The following PALM2AKAP2 variants were observed in gnomAD, a reference collection of about 807,000 sequenced individuals.
PALM2AKAP2 encodes PALM2-AKAP2 fusion protein.
PALM2AKAP2 carries 37 observed loss-of-function variants against 71.5 expected under a neutral mutation model. That is an observed-to-expected ratio of 0.52 (90% CI 0.40 to 0.68). PALM2AKAP2 has a LOEUF of 0.68. PALM2AKAP2 is among the 30% of genes least tolerant of loss of function. PALM2AKAP2 has a pLI of 0.00. For synonymous variants in PALM2AKAP2, 468 were observed against 478.8 expected, an observed-to-expected ratio of 0.98 and a Z score of 0.29; for missense variants, 1,224 against 1,191.8, an observed-to-expected ratio of 1.03 and a Z score of -0.40.
intron 1 of PALM2AKAP2, among the ~76,000 whole-genome samples, chr9:109,827,035 G>A (rs546742224): frequency 6.6e-6 from 1 of 152,312 alleles, no homozygotes; most frequent in African/African-American, 2.4e-5. Context: ...AATCTACTAA[G>A]TGAGTTATTA....
chr9:110,087,667 C>T (rs940929417), intron 1 of PALM2AKAP2, among the ~76,000 whole-genome samples: 1 of 152,220 alleles, frequency 6.6e-6, no homozygotes, highest in Non-Finnish European at 1.5e-5. Context: ...TTTCTCTTTT[C>T]CCATTTCATC....
intron 3 of PALM2AKAP2, among the ~76,000 whole-genome samples, chr9:109,887,474 A>G (rs1452553620): frequency 6.6e-6 from 1 of 152,228 alleles, no homozygotes; most frequent in East Asian, 1.9e-4. Context: ...AAAACTATAT[A>G]TGCTATGTAT....
intron 1 of PALM2AKAP2, among the ~76,000 whole-genome samples, chr9:109,654,269 T>A (rs992852572): frequency 3.9e-5 from 6 of 152,244 alleles, no homozygotes; most frequent in African/African-American, 1.4e-4. Context: ...TATTCCATTT[T>A]CTGAACAAGA....
At chr9:109,841,031 G>T (rs1217152032) in intron 1 of PALM2AKAP2, among the ~76,000 whole-genome samples, 1 of 152,148 alleles carries the variant, frequency 6.6e-6, no homozygotes, top group East Asian at 1.9e-4. Flanking sequence ...ATACCCAAAG[G>T]ATTATAAATT....
intron 1 of PALM2AKAP2, among the ~76,000 whole-genome samples, chr9:110,055,914 T>A (rs1004370076): frequency 1.3e-5 from 2 of 152,162 alleles, no homozygotes; most frequent in African/African-American, 4.8e-5. Context: ...GAGAGAGGAT[T>A]CCTCAGGTGG....
chr9:110,027,213 G>A (rs1425813288), intron 7 of PALM2AKAP2, among the ~76,000 whole-genome samples: 3 of 152,162 alleles, frequency 2.0e-5, no homozygotes, highest in South Asian at 2.1e-4. Context: ...GCCTTATCCA[G>A]CTGGTGCCTT....
At chr9:110,034,809 T>G (rs956119390) in intron 7 of PALM2AKAP2, among the ~76,000 whole-genome samples, 3 of 151,768 alleles carry the variant, frequency 2.0e-5, no homozygotes, top group African/African-American at 7.3e-5. Flanking sequence ...TTCACCATGT[T>G]GGCCAGTCTG....
At chr9:110,127,600 C>G (rs1190417885) in intron 1 of PALM2AKAP2, 3 of 152,274 alleles carry the variant, frequency 2.0e-5, no homozygotes, top group African/African-American at 7.2e-5. Flanking sequence ...AAGTCTAACC[C>G]TCGCAGCAAG....
intron 1 of PALM2AKAP2, among the ~76,000 whole-genome samples, chr9:109,856,441 C>T (rs1829167333): frequency 6.6e-6 from 1 of 152,182 alleles, no homozygotes; most frequent in African/African-American, 2.4e-5. Flanking sequence ...AGAAAGTAAG[C>T]TGAAGGGCAG....
intron 3 of PALM2AKAP2, among the ~76,000 whole-genome samples, chr9:109,912,721 T>C (rs201547697): frequency 2.2e-5 from 3 of 136,068 alleles, no homozygotes; most frequent in East Asian, 4.7e-4. Flanking sequence ...GATAGATAGA[T>C]AGACAGACAG....
rs542843602 is a variant in PALM2AKAP2, at chr9:109,954,104, T to C, written c.496+22076T>C. On this transcript the variant is annotated intron_variant, in intron 6 of 9. Coordinates refer to the PALM2AKAP2 transcript ENST00000302798. Reference sequence around the variant, plus strand: ...TATCTGTTCATCAGGAGTCCTGTTGTTCTATTTGACAGTTTTTCCTTCACC... The same window carrying C: ...TATCTGTTCATCAGGAGTCCTGTTGCTCTATTTGACAGTTTTTCCTTCACC... Among the ~76,000 whole-genome samples the C allele has an allele frequency of 2.0e-5, 3 of 152,268 alleles. No homozygotes were observed. The South Asian group carries it at 6.2e-4, about 32-fold the overall frequency.
chr9:110,002,050 T>C lies in PALM2AKAP2; in HGVS notation c.497-13904T>C, dbSNP rs1228343909. Among the ~76,000 whole-genome samples, 3 of 152,206 alleles carry C rather than the reference T, an allele frequency of 2.0e-5. No individual in the cohort carries two copies. In the East Asian group the frequency reaches 5.8e-4, roughly 29 times the overall value. ...GCCCTGGCCAGAACTTCCAACACTA[T>C]GTTGAATGGGAGTGATGAGAGAGGG... On this transcript the variant is annotated intron_variant, in intron 6 of 9. Coordinates refer to the PALM2AKAP2 transcript ENST00000302798.
intron 1 of PALM2AKAP2, among the ~76,000 whole-genome samples, chr9:110,093,146 G>C (rs495004): frequency 0.17 from 26,425 of 152,208 alleles, 3,058 homozygotes; most frequent in East Asian, 0.38. Context: ...AGGCCATGTA[G>C]CCAGTTGTTG....
rs117333937 is a variant in PALM2AKAP2, at chr9:110,115,900, C to T, written c.157-20227C>T. 1.5e-3 allele frequency among the ~76,000 whole-genome samples: 234 copies of T among 152,218 alleles called. 1 individual carries two copies. Among genetic ancestry groups the T allele is most frequent in the Middle Eastern group, 0.014 (4 of 294 alleles). On this transcript the variant is annotated intron_variant, in intron 1 of 3. Transcript: ENST00000374525. Reference sequence around the variant, plus strand: ...TTTGTTAAGTGTTCTTAGAACTCACCAATGATTTCATCGAAAAAGCATCTC... The same window carrying T: ...TTTGTTAAGTGTTCTTAGAACTCACTAATGATTTCATCGAAAAAGCATCTC...
intron 1 of PALM2AKAP2, among the ~76,000 whole-genome samples, chr9:110,054,726 C>A (rs909373033): frequency 2.0e-5 from 3 of 152,092 alleles, no homozygotes; most frequent in Non-Finnish European, 4.4e-5. Flanking sequence ...GTGCATGCCA[C>A]CATGCCTGGC....
At chr9:110,095,732 A>G (rs943089568) in intron 1 of PALM2AKAP2, among the ~76,000 whole-genome samples, 2 of 152,150 alleles carry the variant, frequency 1.3e-5, no homozygotes, top group Non-Finnish European at 2.9e-5. Flanking sequence ...CTTGTGCTAT[A>G]TTCTGGTACT....
upstream of PALM2AKAP2, among the ~76,000 whole-genome samples, chr9:110,045,660 C>G (rs1363984359): frequency 1.3e-5 from 2 of 152,032 alleles, no homozygotes; most frequent in African/African-American, 2.4e-5. Context: ...CTCTGCCGCC[C>G]GTGTTCAAGC....
At chr9:110,055,560 G>A (rs934670742) in intron 1 of PALM2AKAP2, among the ~76,000 whole-genome samples, 5 of 152,110 alleles carry the variant, frequency 3.3e-5, no homozygotes, top group African/African-American at 4.8e-5. Context: ...CTACGCTTAC[G>A]ACCTAATCAC....
chr9:109,666,623 C>G (rs746107992), intron 1 of PALM2AKAP2, among the ~76,000 whole-genome samples: 1 of 152,222 alleles, frequency 6.6e-6, no homozygotes, highest in Non-Finnish European at 1.5e-5. Context: ...TGCCGTTGCT[C>G]TTGGTTCTAA....
Sources: gnomAD v4.1 joint callset for allele counts (sites outside exome capture counted in the v4.1 genomes callset) on GRCh38, gnomAD v4.1.1 for gene constraint, MANE v1.5 for transcripts, NCBI Gene and HGNC (gene_info 2026-07-23, HGNC 2026-07-21) for gene names.